PCDHA5: variants seen among roughly 807,000 people sequenced by gnomAD.
The protein encoded by PCDHA5 is protocadherin alpha 5, also known as protocadherin alpha-5.
A neutral mutation model predicts 61.6 loss-of-function variants in PCDHA5; 43 were observed. The observed-to-expected ratio is 0.70, with a 90% CI of 0.55 to 0.90. The LOEUF (loss-of-function observed/expected upper bound fraction) is 0.90. Ranked by LOEUF, PCDHA5 falls within the 40% of genes least tolerant of loss-of-function variation. The pLI is 0.00. For synonymous variants in PCDHA5, 627 were observed against 543.9 expected (o/e 1.15, Z -2.13); for missense variants, 1,298 against 1,222.7 (o/e 1.06, Z -0.92).
intron 1 of PCDHA5, chr5:140,882,203 TGA>T: frequency 6.5e-7 from 1 of 1,530,090 alleles, no homozygotes; most frequent in Non-Finnish European, 8.8e-7. Flanking sequence ...AATTGGGCCT[TGA>T]GAGACAGTTT....
At chr5:140,857,330 G>A in intron 1 of PCDHA5, 1 of 1,598,660 alleles carries the variant, frequency 6.3e-7, no homozygotes, top group South Asian at 1.1e-5. Context: ...GACCGCGCGG[G>A]ACGGGGGCTC....
chr5:140,974,255 C>T (rs1049283311), intron 1 of PCDHA5, among the ~76,000 whole-genome samples: 1 of 152,186 alleles, frequency 6.6e-6, no homozygotes, highest in African/African-American at 2.4e-5. Flanking sequence ...CCATCAGTTC[C>T]TTTCTGGCCT....
chr5:140,911,778 A>G (rs2075636196), intron 1 of PCDHA5, among the ~76,000 whole-genome samples: 1 of 152,228 alleles, frequency 6.6e-6, no homozygotes, highest in Admixed American at 6.5e-5. Flanking sequence ...TACAGTCCTT[A>G]GCATTTTTGG....
At chr5:140,828,391 G>A in intron 1 of PCDHA5, 4 of 1,614,294 alleles carry the variant, frequency 2.5e-6, no homozygotes, top group Non-Finnish European at 3.4e-6. Flanking sequence ...GGCGGAGCGC[G>A]GAGTGCAGCA....
At chr5:140,850,622 C>G in intron 1 of PCDHA5, 1 of 1,598,590 alleles carries the variant, frequency 6.3e-7, no homozygotes, top group Non-Finnish European at 8.6e-7. Flanking sequence ...CGGTGTCTAG[C>G]CTGTTGGTTC....
At chr5:140,920,405 A>T (rs1253203896) in intron 1 of PCDHA5, among the ~76,000 whole-genome samples, 1 of 152,118 alleles carries the variant, frequency 6.6e-6, no homozygotes, top group Non-Finnish European at 1.5e-5. Context: ...TCTTTTTTTA[A>T]TCAGATACAG....
At chr5:140,869,684 T>G in intron 1 of PCDHA5, 1 of 1,613,486 alleles carries the variant, frequency 6.2e-7, no homozygotes, top group Non-Finnish European at 8.5e-7. Flanking sequence ...AGACTGTCAC[T>G]TATTTTAAAG....
At chr5:140,886,276 A>T (rs1352172114) in intron 1 of PCDHA5, among the ~76,000 whole-genome samples, 3 of 152,062 alleles carry the variant, frequency 2.0e-5, no homozygotes, top group Admixed American at 1.3e-4. Flanking sequence ...AAAATTTTTT[A>T]AAATTATTTT....
At chr5:140,889,705 CA>C (rs1440108575) in intron 1 of PCDHA5, among the ~76,000 whole-genome samples, 2 of 152,132 alleles carry the variant, frequency 1.3e-5, no homozygotes, top group Non-Finnish European at 1.5e-5. Flanking sequence ...GCATATTCCA[CA>C]AGTTCTTTGC....
At chr5:140,863,181 C>T (rs782813569) in intron 1 of PCDHA5, 5 of 753,966 alleles carry the variant, frequency 6.6e-6, no homozygotes, top group Non-Finnish European at 1.1e-5. Flanking sequence ...CTGCCACCGT[C>T]ACCGTGGTGG....
chr5:140,958,079 T>C (rs182718226), intron 1 of PCDHA5, among the ~76,000 whole-genome samples: 1 of 152,202 alleles, frequency 6.6e-6, no homozygotes, highest in East Asian at 1.9e-4. Context: ...AAGCAAAAAG[T>C]AAAGTTGTAC....
At chr5:140,845,952 T>C (rs1262858595) in intron 1 of PCDHA5, among the ~76,000 whole-genome samples, 2 of 149,750 alleles carry the variant, frequency 1.3e-5, no homozygotes, top group Non-Finnish European at 3.0e-5. Context: ...AGTCATTTTT[T>C]AGATTAACCT....
chr5:140,853,498 C>T (rs983966911), intron 1 of PCDHA5: 1 of 976,590 alleles, frequency 1.0e-6, no homozygotes, highest in African/African-American at 1.8e-5. Flanking sequence ...AAGTTAGAAT[C>T]ATGAAACAAT....
At chr5:140,877,374 A>C in intron 1 of PCDHA5, 1 of 1,613,970 alleles carries the variant, frequency 6.2e-7, no homozygotes, top group Non-Finnish European at 8.5e-7. Context: ...TCAGCACGAC[A>C]CGCATCCTGG....
chr5:140,913,450 T>G (rs2153526628), intron 1 of PCDHA5, among the ~76,000 whole-genome samples: 1 of 152,270 alleles, frequency 6.6e-6, no homozygotes, highest in Middle Eastern at 3.4e-3. Flanking sequence ...TCAGCTCCGA[T>G]TTTATTTACT....
chr5:140,870,976 C>T (rs2052595345), intron 1 of PCDHA5: 1 of 1,613,480 alleles, frequency 6.2e-7, no homozygotes, highest in Non-Finnish European at 8.5e-7. Context: ...CCGCGTGGGG[C>T]TGTACACGGG....
chr5:140,890,772 C>T (rs2062796545), intron 1 of PCDHA5, among the ~76,000 whole-genome samples: 1 of 152,118 alleles, frequency 6.6e-6, no homozygotes, highest in South Asian at 2.1e-4. Context: ...TATTTTAAAA[C>T]CCCATAAGAT....
intron 1 of PCDHA5, 159 bp from the exon 2 acceptor site, chr5:140,978,790 T>C (rs2096823347): frequency 3.1e-6 from 3 of 975,976 alleles, no homozygotes; most frequent in Non-Finnish European, 3.7e-6. Flanking sequence ...TAAAGTGCTA[T>C]ATATGTAGAT....
rs1361440512 is a variant in PCDHA5, at chr5:140,875,201, G to A, written c.2352+51074G>A. 5.0e-5 allele frequency: 30 copies of A among 595,474 alleles called. No homozygotes were observed. The East Asian group carries it at 1.1e-3, about 21-fold the overall frequency. 36.9% of individuals were successfully genotyped at this position (595,474 alleles called of 1,614,324 possible). A position where few individuals can be genotyped will look rare whatever the true frequency, so the allele number is the denominator to read the frequency against. On this transcript the variant is annotated intron_variant, in intron 1 of 3. Coordinates refer to ENST00000529859, the MANE Select transcript of PCDHA5 (RefSeq NM_018908.3). ...AGAATTAAGAGTGACCCAGGAAGTG[G>A]CTAAACCGAAAAGAACCTCAGGATC... is the stretch of plus-strand genomic sequence containing the variant.
Sources: allele counts gnomAD v4.1 joint callset (sites outside exome capture counted in the v4.1 genomes callset), GRCh38; gene constraint gnomAD v4.1.1; transcripts MANE v1.5; gene names NCBI Gene and HGNC (gene_info 2026-07-23, HGNC 2026-07-21).